Variants in FBXL17 observed in about 807,000 individuals in gnomAD.
FBXL17 encodes the protein F-box/LRR-repeat protein 17.
FBXL17 carries 22 observed loss-of-function variants against 66.2 expected under a neutral mutation model. That is an observed-to-expected ratio of 0.33 (90% CI 0.24 to 0.47). The LOEUF (loss-of-function observed/expected upper bound fraction) is 0.47. FBXL17 is among the 20% of genes least tolerant of loss of function. The probability of loss-of-function intolerance (pLI) is 1.00; values close to 1 mark genes in which losing one functional copy is unlikely to be tolerated. For synonymous variants in FBXL17, 474 were observed against 400.5 expected, an observed-to-expected ratio of 1.18 and a Z score of -2.19; for missense variants, 878 against 948.2, an observed-to-expected ratio of 0.93 and a Z score of 0.97.
intron 7 of FBXL17, among the ~76,000 whole-genome samples, chr5:107,903,156 AAATATTTGATATTTTACAGAC>A (rs1215172806): frequency 6.6e-6 from 1 of 152,170 alleles, no homozygotes; most frequent in Non-Finnish European, 1.5e-5. Flanking sequence ...TAACTCTGGA[AAATATTTGATATTTTACAGAC>A]CTTACAACAG....
intron 6 of FBXL17, among the ~76,000 whole-genome samples, chr5:108,058,874 ACT>A (rs1347010922): frequency 6.6e-6 from 1 of 152,142 alleles, no homozygotes; most frequent in Non-Finnish European, 1.5e-5. Context: ...CAAGAGGAAC[ACT>A]CAGTATATTT....
chr5:107,960,362 A>G (rs1399588794), intron 7 of FBXL17, among the ~76,000 whole-genome samples: 1 of 152,184 alleles, frequency 6.6e-6, no homozygotes, highest in Non-Finnish European at 1.5e-5. Flanking sequence ...AATATACATT[A>G]TTACTAACCA....
intron 7 of FBXL17, among the ~76,000 whole-genome samples, chr5:107,982,133 G>A (rs1051175419): frequency 3.3e-5 from 5 of 152,088 alleles, no homozygotes; most frequent in Non-Finnish European, 7.4e-5. Context: ...TGAATATTAA[G>A]CACAAAGGTA....
chr5:108,099,403 T>C (rs1749516619), intron 6 of FBXL17, among the ~76,000 whole-genome samples: 1 of 152,162 alleles, frequency 6.6e-6, no homozygotes, highest in Non-Finnish European at 1.5e-5. Context: ...AAGTTTTACA[T>C]GGCACAGGAG....
At position 108,102,741 on chromosome 5, in the gene FBXL17, A is replaced by G. The variant is rs940340260; in HGVS notation, c.1746-81740T>C. On this transcript the variant is annotated intron_variant, in intron 6 of 8. Transcript: ENST00000542267. Reference sequence around the variant, plus strand: ...ATGCAAGACAAAAACCTTTATGAAAAGATACTTCTGCAAACACACACTCAG... The same window carrying G: ...ATGCAAGACAAAAACCTTTATGAAAGGATACTTCTGCAAACACACACTCAG... 3.9e-5 allele frequency among the ~76,000 whole-genome samples: 6 copies of G among 152,326 alleles called. No individual in the cohort carries two copies. The East Asian group carries it at 1.2e-3, about 29-fold the overall frequency.
At chr5:108,152,337 C>A (rs1751805282) in intron 6 of FBXL17, among the ~76,000 whole-genome samples, 1 of 152,294 alleles carries the variant, frequency 6.6e-6, no homozygotes, top group African/African-American at 2.4e-5. Flanking sequence ...CTGGTGGAGT[C>A]CCCCACTTGG....
intron 4 of FBXL17, among the ~76,000 whole-genome samples, chr5:108,282,069 G>A (rs1245425407): frequency 6.6e-6 from 1 of 151,584 alleles, no homozygotes; most frequent in Non-Finnish European, 1.5e-5. Flanking sequence ...AGGACCAGAT[G>A]GATTCACAGC....
intron 5 of FBXL17, among the ~76,000 whole-genome samples, chr5:108,205,310 T>C (rs1754073254): frequency 1.3e-5 from 2 of 152,164 alleles, no homozygotes; most frequent in Admixed American, 6.6e-5. Context: ...AAATCCCTAA[T>C]ACTGTGTCAT....
intron 7 of FBXL17, among the ~76,000 whole-genome samples, chr5:107,976,141 G>A (rs1752576416): frequency 6.6e-6 from 1 of 152,142 alleles, no homozygotes; most frequent in Admixed American, 6.5e-5. Flanking sequence ...ACAGGCGTAA[G>A]CCATCACACC....
At chr5:108,346,637 A>G (rs1357564773) in intron 4 of FBXL17, among the ~76,000 whole-genome samples, 1 of 152,172 alleles carries the variant, frequency 6.6e-6, no homozygotes, top group Non-Finnish European at 1.5e-5. Flanking sequence ...AAAGTTAGGT[A>G]ACAAATACAG....
chr5:108,052,962 C>A (rs1171359210), intron 6 of FBXL17, among the ~76,000 whole-genome samples: 1 of 152,076 alleles, frequency 6.6e-6, no homozygotes, highest in Non-Finnish European at 1.5e-5. Context: ...ATCTCCTATT[C>A]AATAAATGGT....
intron 6 of FBXL17, among the ~76,000 whole-genome samples, chr5:108,102,742 G>A (rs1331749990): frequency 1.3e-5 from 2 of 152,120 alleles, no homozygotes; most frequent in African/African-American, 2.4e-5. Flanking sequence ...TTTATGAAAA[G>A]ATACTTCTGC....
chr5:108,009,796 C>A (rs1013570125), intron 7 of FBXL17, among the ~76,000 whole-genome samples: 1 of 152,050 alleles, frequency 6.6e-6, no homozygotes, highest in Non-Finnish European at 1.5e-5. Context: ...TAATATCTAT[C>A]CTACAGTGAA....
chr5:107,904,654 A>G (rs1464179225), intron 7 of FBXL17, among the ~76,000 whole-genome samples: 1 of 152,158 alleles, frequency 6.6e-6, no homozygotes, highest in Non-Finnish European at 1.5e-5. Context: ...GCAGGTAAGT[A>G]ATATCCACTG....
Position 108,257,799 on chromosome 5 carries a change from T to C in FBXL17, c.1507-33571A>G, listed in dbSNP as rs1218064336. On this transcript the variant is annotated intron_variant, in intron 4 of 8. Transcript: ENST00000542267. ...GCAAAATGATCTTAAATTGTTCACA[T>C]ACATATTGTATTATAATTTTTTTGA... Among the ~76,000 whole-genome samples, 7 of 152,184 alleles carry C rather than the reference T, an allele frequency of 4.6e-5. No individual in the cohort carries two copies. The East Asian group carries it at 1.2e-3, about 25-fold the overall frequency.
chr5:108,297,910 T>C, intron 4 of FBXL17: 10 of 957,970 alleles, frequency 1.0e-5, no homozygotes, highest in Non-Finnish European at 1.2e-5. Flanking sequence ...AAAATCAGAA[T>C]CCATATATCT....
At chr5:108,187,372 C>T (rs187589107) in intron 5 of FBXL17, among the ~76,000 whole-genome samples, 21 of 152,172 alleles carry the variant, frequency 1.4e-4, no homozygotes, top group Admixed American at 7.8e-4. Context: ...AATATGTTAC[C>T]TTATAAGGCA....
rs569434265 is a variant in FBXL17, at chr5:107,949,009, A to G, written c.1823-67830T>C. On this transcript the variant is annotated intron_variant, in intron 7 of 8. Coordinates refer to ENST00000542267, the MANE Select transcript of FBXL17 (RefSeq NM_001163315.3). ...GTCTTTTTCTCATCACTATATCAACAAGGAGACTCCTAGTAACTATATGAA... is the reference window on the plus strand; with the variant it reads ...GTCTTTTTCTCATCACTATATCAACGAGGAGACTCCTAGTAACTATATGAA... Among the ~76,000 whole-genome samples the G allele has an allele frequency of 2.0e-5, 3 of 152,268 alleles. 1 individual carries two copies. The highest frequency in any genetic ancestry group is 7.2e-5 in the African/African-American group (3 of 41,572).
chr5:108,083,218 A>AACACACACACACACACACACACAC (rs756726228), intron 6 of FBXL17, among the ~76,000 whole-genome samples: 1 of 144,500 alleles, frequency 6.9e-6, no homozygotes, highest in Non-Finnish European at 1.5e-5. Flanking sequence ...CTCACCTCAG[A>AACACACACACACACACACACACAC]ACACACACAC....
Sources: allele counts gnomAD v4.1 joint callset (sites outside exome capture counted in the v4.1 genomes callset), GRCh38; gene constraint gnomAD v4.1.1; transcripts MANE v1.5; gene names NCBI Gene and HGNC (gene_info 2026-07-23, HGNC 2026-07-21).